Variants in CNTN5 observed in about 807,000 individuals in gnomAD.
The protein encoded by CNTN5 is contactin-5.
A neutral mutation model predicts 129.1 loss-of-function variants in CNTN5; 77 were observed. The observed-to-expected ratio is 0.60, with a 90% confidence interval of 0.50 to 0.72. CNTN5 has a LOEUF of 0.72. Among genes scored for constraint, CNTN5 ranks in the 30% least tolerant of loss-of-function variants. The pLI is 0.00. For synonymous variants in CNTN5, 509 were observed against 465.6 expected (o/e 1.09, Z -1.20); for missense variants, 1,478 against 1,328.8 (o/e 1.11, Z -1.75).
chr11:100,112,678 A>G (rs576505030), intron 13 of CNTN5, among the ~76,000 whole-genome samples: 28 of 152,322 alleles, frequency 1.8e-4, no homozygotes, highest in African/African-American at 6.5e-4. Context: ...GAGAATAGGC[A>G]GCGCACATCT....
At chr11:99,974,539 T>C (rs1162004625) in intron 8 of CNTN5, among the ~76,000 whole-genome samples, 7 of 152,168 alleles carry the variant, frequency 4.6e-5, no homozygotes, top group Non-Finnish European at 1.0e-4. Context: ...CCCAGTTTCA[T>C]TGGAATAAAT....
intron 1 of CNTN5, among the ~76,000 whole-genome samples, chr11:99,136,653 T>G (rs575277994): frequency 6.6e-6 from 1 of 152,060 alleles, no homozygotes; most frequent in Non-Finnish European, 1.5e-5. Flanking sequence ...TACACACATC[T>G]CCTTCTCCTG....
At chr11:99,443,955 T>C (rs568512401) in intron 2 of CNTN5, among the ~76,000 whole-genome samples, 37 of 152,266 alleles carry the variant, frequency 2.4e-4, no homozygotes, top group Non-Finnish European at 1.0e-4. Flanking sequence ...CCCAGCACTT[T>C]GGGAGGCCAA....
chr11:100,296,363 C>G (rs1034747578), intron 18 of CNTN5, among the ~76,000 whole-genome samples: 1 of 151,312 alleles, frequency 6.6e-6, no homozygotes, highest in Non-Finnish European at 1.5e-5. Flanking sequence ...CAGTTGAATT[C>G]CATGTGATTT....
chr11:99,093,465 T>C (rs943163967), intron 1 of CNTN5, among the ~76,000 whole-genome samples: 1 of 151,696 alleles, frequency 6.6e-6, no homozygotes, highest in Admixed American at 6.6e-5. Context: ...TTATTTCTTA[T>C]TTTGTTTTTT....
At chr11:99,411,442 C>T (rs1259072082) in intron 2 of CNTN5, among the ~76,000 whole-genome samples, 3 of 152,092 alleles carry the variant, frequency 2.0e-5, no homozygotes, top group Non-Finnish European at 2.9e-5. Context: ...ATGGCTTAAG[C>T]CTGGGAAATG....
intron 3 of CNTN5, among the ~76,000 whole-genome samples, chr11:99,663,390 C>T (rs1379232311): frequency 1.3e-5 from 2 of 152,122 alleles, no homozygotes; most frequent in Non-Finnish European, 2.9e-5. Flanking sequence ...ATCCCTTGAA[C>T]CTGGGAGACA....
chr11:99,746,240 T>C (rs1416545060), intron 3 of CNTN5, among the ~76,000 whole-genome samples: 2 of 152,210 alleles, frequency 1.3e-5, no homozygotes, highest in African/African-American at 2.4e-5. Context: ...CAAATTTTGA[T>C]TTGATTTTTG....
chr11:100,045,851 G>C (rs1050480588), intron 9 of CNTN5, among the ~76,000 whole-genome samples: 1 of 151,828 alleles, frequency 6.6e-6, no homozygotes, highest in South Asian at 2.1e-4. Context: ...AGATTTATTC[G>C]CCCACCAAAA....
intron 3 of CNTN5, among the ~76,000 whole-genome samples, chr11:99,758,438 A>C (rs983181683): frequency 6.6e-6 from 1 of 152,108 alleles, no homozygotes; most frequent in Non-Finnish European, 1.5e-5. Flanking sequence ...AAATTTAATA[A>C]GAAATCTGCC....
intron 1 of CNTN5, among the ~76,000 whole-genome samples, chr11:99,246,682 G>A (rs1045753404): frequency 6.6e-6 from 1 of 152,092 alleles, no homozygotes; most frequent in Non-Finnish European, 1.5e-5. Context: ...ATGAGGCTTA[G>A]CATAGAAATG....
chr11:99,359,560 T>C (rs1414255992), intron 2 of CNTN5, among the ~76,000 whole-genome samples: 1 of 150,716 alleles, frequency 6.6e-6, no homozygotes, highest in Non-Finnish European at 1.5e-5. Context: ...TTGTTCCTTA[T>C]TTATATATGT....
chr11:99,407,119 A>G (rs961203206), intron 2 of CNTN5, among the ~76,000 whole-genome samples: 7 of 152,090 alleles, frequency 4.6e-5, no homozygotes, highest in Admixed American at 3.3e-4. Flanking sequence ...CTCGAGCAAT[A>G]GTAGTTTTGC....
intron 13 of CNTN5, among the ~76,000 whole-genome samples, chr11:100,123,100 A>G (rs892497226): frequency 6.6e-6 from 1 of 152,028 alleles, no homozygotes; most frequent in Non-Finnish European, 1.5e-5. Flanking sequence ...TACCAGAAGT[A>G]TATTCCTACA....
intron 16 of CNTN5, among the ~76,000 whole-genome samples, chr11:100,244,876 GATTT>G (rs1949812197): frequency 6.6e-6 from 1 of 151,986 alleles, no homozygotes; most frequent in South Asian, 2.1e-4. Context: ...AATTCTAATG[GATTT>G]ATCTGGAATA....
At chr11:99,554,146 G>A (rs191343803) in intron 2 of CNTN5, among the ~76,000 whole-genome samples, 2 of 151,952 alleles carry the variant, frequency 1.3e-5, no homozygotes, top group African/African-American at 2.4e-5. Flanking sequence ...ACCCCTACAT[G>A]GCATCTTATG....
intron 2 of CNTN5, among the ~76,000 whole-genome samples, chr11:99,485,648 A>T (rs1945783548): frequency 6.6e-6 from 1 of 152,106 alleles, no homozygotes; most frequent in Admixed American, 6.5e-5. Flanking sequence ...ATATACTAGG[A>T]TAAAATGAGA....
chr11:99,534,236 G>T (rs1947818280), intron 2 of CNTN5, among the ~76,000 whole-genome samples: 1 of 152,106 alleles, frequency 6.6e-6, no homozygotes, highest in Non-Finnish European at 1.5e-5. Flanking sequence ...GTATTTTCAA[G>T]ACCAAAAGCA....
At chr11:99,375,196 G>A (rs909602552) in intron 2 of CNTN5, among the ~76,000 whole-genome samples, 1 of 150,858 alleles carries the variant, frequency 6.6e-6, no homozygotes, top group African/African-American at 2.4e-5. Context: ...CCAGCTACTC[G>A]GGAGGCTGAG....
Sources: gnomAD v4.1 joint callset for allele counts (sites outside exome capture counted in the v4.1 genomes callset) on GRCh38, gnomAD v4.1.1 for gene constraint, MANE v1.5 for transcripts, NCBI Gene and HGNC (gene_info 2026-07-23, HGNC 2026-07-21) for gene names.